SMURF2: variants seen among roughly 807,000 people sequenced by gnomAD.
SMURF2 encodes E3 ubiquitin-protein ligase SMURF2.
Under a neutral mutation model 109.6 loss-of-function variants are expected in SMURF2, and 48 were observed. The observed-to-expected ratio is 0.44, with a 90% CI of 0.35 to 0.56. The LOEUF is 0.56. SMURF2 is among the 20% of genes least tolerant of loss of function. SMURF2 has a pLI of 0.01. For synonymous variants in SMURF2, 288 were observed against 317.1 expected (o/e 0.91, Z 0.97); for missense variants, 575 against 909.0 (o/e 0.63, Z 4.72).
intron 2 of SMURF2, among the ~76,000 whole-genome samples, chr17:64,602,349 A>G (rs1969909800): frequency 6.6e-6 from 1 of 152,194 alleles, no homozygotes. Flanking sequence ...TAATAAAAGA[A>G]AAACAATTTT....
At chr17:64,622,028 C>G (rs1970212975) in intron 1 of SMURF2, among the ~76,000 whole-genome samples, 1 of 147,498 alleles carries the variant, frequency 6.8e-6, no homozygotes, top group South Asian at 2.1e-4. Context: ...CCACTGCACT[C>G]CAGCCTGGGT....
chr17:64,651,459 C>T (rs1447479898), intron 1 of SMURF2, among the ~76,000 whole-genome samples: 3 of 150,540 alleles, frequency 2.0e-5, no homozygotes, highest in Non-Finnish European at 2.9e-5. Context: ...GTAGTCCCAG[C>T]TACTCCAGAG....
At position 64,593,575 on chromosome 17, in the gene SMURF2, TA is replaced by T; in HGVS notation, c.201-3del. On this transcript the variant is annotated splice_region_variant and splice_polypyrimidine_tract_variant and intron_variant, in intron 3 of 18. Coordinates refer to ENST00000262435, the MANE Select transcript of SMURF2 (RefSeq NM_022739.4). ...ACTGAATCAGACTTTCCAATATACC[TA>T]AAAAACAAAACGGCTGCATGAGTAA... The T allele has an allele frequency of 6.6e-7, 1 of 1,515,900 alleles. No homozygotes were observed. Among genetic ancestry groups the T allele is most frequent in the Non-Finnish European group, 8.9e-7 (1 of 1,123,590 alleles). The allele number at this position is 1,515,900 out of a possible 1,614,324, so 93.9% of individuals were successfully genotyped here. A position where few individuals can be genotyped will look rare whatever the true frequency, so the allele number is the denominator to read the frequency against.
At chr17:64,563,321 C>G (rs917919169) in intron 10 of SMURF2, among the ~76,000 whole-genome samples, 4 of 152,198 alleles carry the variant, frequency 2.6e-5, no homozygotes, top group Non-Finnish European at 5.9e-5. Flanking sequence ...TAGACTCTTT[C>G]TTTCTGGAAG....
chr17:64,626,027 A>G (rs1383116610), intron 1 of SMURF2, among the ~76,000 whole-genome samples: 1 of 152,162 alleles, frequency 6.6e-6, no homozygotes, highest in Non-Finnish European at 1.5e-5. Context: ...TAATCCCAGC[A>G]CCTTGGGAAG....
At chr17:64,585,475 T>C (rs781922372) in intron 6 of SMURF2, among the ~76,000 whole-genome samples, 16 of 152,216 alleles carry the variant, frequency 1.1e-4, no homozygotes, top group Non-Finnish European at 2.1e-4. Flanking sequence ...TTATCACTCA[T>C]ACTCTTTTGT....
chr17:64,561,477 T>A (rs782648206), intron 12 of SMURF2, 23 bp downstream of exon 12: 16 of 1,515,932 alleles, frequency 1.1e-5, no homozygotes, highest in Non-Finnish European at 1.5e-5. Context: ...CCATATGTCA[T>A]AAGCTGGCAA....
chr17:64,550,776 A>AAAAAAAG (rs1555683534), intron 16 of SMURF2, among the ~76,000 whole-genome samples: 51 of 150,318 alleles, frequency 3.4e-4, no homozygotes, highest in African/African-American at 9.2e-4. Context: ...AAAAAAAAAA[A>AAAAAAAG]AGAGAGAGAC....
At chr17:64,588,091 CA>C (rs375759315) in intron 5 of SMURF2, among the ~76,000 whole-genome samples, 4,016 of 68,862 alleles carry the variant, frequency 0.058, 118 homozygotes, top group African/African-American at 0.16. Flanking sequence ...GTTTATGGTC[CA>C]AAAAAAAAAA....
rs1284333850 is a variant in SMURF2, at chr17:64,543,550, A to T, written c.*2298T>A. ...CGGCCTCCCAAAGTGCTGGGATTAC[A>T]GGTGTGAGCCACCATGCCCAGCCAA... is the stretch of plus-strand genomic sequence containing the variant. On this transcript the variant is annotated 3_prime_UTR_variant, in exon 19 of 19. Coordinates refer to ENST00000262435, the MANE Select transcript of SMURF2 (RefSeq NM_022739.4). 1 of 152,240 alleles carries T rather than the reference A, an allele frequency of 6.6e-6. No homozygotes were observed. The highest frequency in any genetic ancestry group is 1.9e-4 in the East Asian group (1 of 5,206). 9.4% of individuals were successfully genotyped at this position (152,240 alleles called of 1,614,324 possible). A position where few individuals can be genotyped will look rare whatever the true frequency, so the allele number is the denominator to read the frequency against.
At position 64,550,757 on chromosome 17, in the gene SMURF2, CAA is replaced by C. The variant is rs146307567; in HGVS notation, c.1869+825_1869+826del. On this transcript the variant is annotated intron_variant, in intron 16 of 18. Transcript: ENST00000262435. ...CCTCCAGCCTGGGCAACTCTGTCTC[CAA>C]AAAAAAAAAAAAAAAAAAGAGAGAG... is the stretch of plus-strand genomic sequence containing the variant. Among the ~76,000 whole-genome samples, 35 of 69,684 alleles carry C rather than the reference CAA, an allele frequency of 5.0e-4. 1 individual carries two copies. In the East Asian group the frequency reaches 5.8e-3, roughly 12 times the overall value. 45.7% of individuals were successfully genotyped at this position (69,684 alleles called of 152,430 possible). A position where few individuals can be genotyped will look rare whatever the true frequency, so the allele number is the denominator to read the frequency against.
Position 64,554,861 on chromosome 17 carries a change from A to G in SMURF2, c.1743T>C (p.Tyr581=). The change falls in exon 15 of 19, where the codon TAT becomes TAC. Residue 581 remains tyrosine (Y), a synonymous_variant. Coordinates refer to ENST00000262435, the MANE Select transcript of SMURF2 (RefSeq NM_022739.4). ...GAGAACACAGGAGTGTTTACCTGACATATTCTTTTTTATTTTCTTCATTAA... is the reference window on the plus strand; with the variant it reads ...GAGAACACAGGAGTGTTTACCTGACGTATTCTTTTTTATTTTCTTCATTAA... ...IPVNEENKKE[Y]VRLYVNWRFL... 1 of 1,613,400 alleles carries G rather than the reference A, an allele frequency of 6.2e-7. No individual in the cohort carries two copies. The highest frequency in any genetic ancestry group is 8.5e-7 in the Non-Finnish European group (1 of 1,179,692).
chr17:64,603,888 C>T (rs1555688812), intron 2 of SMURF2, among the ~76,000 whole-genome samples: 3 of 152,002 alleles, frequency 2.0e-5, no homozygotes, highest in African/African-American at 4.8e-5. Flanking sequence ...TTTTTTCCTG[C>T]GATGAAAAAT....
At chr17:64,613,707 T>TGTGTGA (rs1282528758) in intron 1 of SMURF2, among the ~76,000 whole-genome samples, 36 of 133,570 alleles carry the variant, frequency 2.7e-4, no homozygotes, top group African/African-American at 1.1e-3. Flanking sequence ...TGTGTGTGTG[T>TGTGTGA]GTGTGTGTGT....
intron 3 of SMURF2, among the ~76,000 whole-genome samples, chr17:64,598,156 C>T (rs1969844171): frequency 6.6e-6 from 1 of 152,148 alleles, no homozygotes; most frequent in Non-Finnish European, 1.5e-5. Context: ...GATTGCTCTA[C>T]TGTGAGCCAG....
intron 5 of SMURF2, among the ~76,000 whole-genome samples, chr17:64,587,743 A>C (rs1969683398): frequency 6.6e-6 from 1 of 152,232 alleles, no homozygotes; most frequent in Non-Finnish European, 1.5e-5. Context: ...CTACTTGGCA[A>C]ATGTAAACAA....
rs1968919355 is a variant in SMURF2, at chr17:64,544,602, T to C, written c.*1246A>G. 1 of 152,172 alleles carries C rather than the reference T, an allele frequency of 6.6e-6. No individual in the cohort carries two copies. Among genetic ancestry groups the C allele is most frequent in the Non-Finnish European group, 1.5e-5 (1 of 68,032 alleles). 9.4% of individuals were successfully genotyped at this position (152,172 alleles called of 1,614,324 possible). ...TAAATCTGGACGTTTCAAAATCAGA[T>C]GCAGATCTTCAACACCAAGGGAAGC... On this transcript the variant is annotated 3_prime_UTR_variant, in exon 19 of 19. Transcript: ENST00000262435.
intron 1 of SMURF2, among the ~76,000 whole-genome samples, chr17:64,641,275 G>A (rs139888593): frequency 0.011 from 1,652 of 152,048 alleles, 11 homozygotes; most frequent in Middle Eastern, 0.017. Context: ...TTCAAAGGTA[G>A]AACATAAAAT....
intron 9 of SMURF2, chr17:64,573,067 C>G (rs1555685706): frequency 6.8e-6 from 1 of 146,186 alleles, no homozygotes; most frequent in African/African-American, 2.5e-5. Flanking sequence ...AGTGACCAAG[C>G]AAACTCAAGC....
Sources: allele counts gnomAD v4.1 joint callset (sites outside exome capture counted in the v4.1 genomes callset), GRCh38; gene constraint gnomAD v4.1.1; transcripts MANE v1.5; gene names NCBI Gene and HGNC (gene_info 2026-07-23, HGNC 2026-07-21).